Variants in NCKAP1 observed in about 807,000 individuals in gnomAD.
The protein encoded by NCKAP1 is nck-associated protein 1.
A neutral mutation model predicts 151.2 loss-of-function variants in NCKAP1; 21 were observed. The observed-to-expected ratio is 0.14, with a 90% CI of 0.10 to 0.20. The LOEUF (loss-of-function observed/expected upper bound fraction) is 0.20. NCKAP1 is among the 10% of genes least tolerant of loss of function. NCKAP1 has a pLI of 1.00. For missense variants in NCKAP1, 933 were observed against 1,352.1 expected (o/e 0.69, Z 4.86); for synonymous variants, 484 against 451.8 (o/e 1.07, Z -0.90).
Position 182,988,936 on chromosome 2 carries a change from C to G in NCKAP1, c.947+94G>C, listed in dbSNP as rs1444048906. On this transcript the variant is annotated intron_variant, in intron 9 of 30. Transcript: ENST00000361354. ...ATGGTATAGGCTGTATCTTCCTGCA[C>G]AGTGTGACTACTCCTTTATCCCCAA... 5.4e-6 allele frequency: 6 copies of G among 1,101,218 alleles called. No individual in the cohort carries two copies. The Admixed American group carries it at 1.1e-4, about 20-fold the overall frequency. The allele number at this position is 1,101,218 out of a possible 1,614,324, so 68.2% of individuals were successfully genotyped here. A position where few individuals can be genotyped will look rare whatever the true frequency, so the allele number is the denominator to read the frequency against.
At chr2:183,033,439 C>T (rs1699043477) in intron 1 of NCKAP1, among the ~76,000 whole-genome samples, 1 of 152,140 alleles carries the variant, frequency 6.6e-6, no homozygotes, top group South Asian at 2.1e-4. Flanking sequence ...ATCCTTAATT[C>T]CCTTCTCAAG....
chr2:182,987,185 T>C (rs1259238782), intron 9 of NCKAP1, among the ~76,000 whole-genome samples: 1 of 152,050 alleles, frequency 6.6e-6, no homozygotes, highest in African/African-American at 2.4e-5. Flanking sequence ...GAGGTTGCAG[T>C]GAGCTGAGAT....
intron 15 of NCKAP1, 103 bp downstream of exon 15, chr2:182,976,790 T>C (rs888678889): frequency 7.4e-6 from 4 of 542,436 alleles, no homozygotes; most frequent in Non-Finnish European, 8.7e-6. Context: ...ACAAAAGAAA[T>C]ATTTTCAATA....
At chr2:182,930,026 C>G (rs1447600872) in intron 27 of NCKAP1, among the ~76,000 whole-genome samples, 1 of 151,940 alleles carries the variant, frequency 6.6e-6, no homozygotes, top group Non-Finnish European at 1.5e-5. Context: ...TTGCTATCTA[C>G]TGGACCATCT....
rs1376314997 is a variant in NCKAP1, at chr2:182,921,981, G to A, written c.*3721C>T. 6.6e-6 allele frequency: 1 copy of A among 152,138 alleles called. No individual in the cohort carries two copies. The allele number at this position is 152,138 out of a possible 1,614,324, so 9.4% of individuals were successfully genotyped here. A position where few individuals can be genotyped will look rare whatever the true frequency, so the allele number is the denominator to read the frequency against. On this transcript the variant is annotated 3_prime_UTR_variant, in exon 31 of 31. Coordinates refer to ENST00000361354, the MANE Select transcript of NCKAP1 (RefSeq NM_013436.5). ...TCAAATATTTTTTCCCAAAGGCAGA[G>A]GTCATGGCAAATCTTCGGAGAAAGA...
At chr2:183,037,508 T>A (rs966604924) in intron 1 of NCKAP1, among the ~76,000 whole-genome samples, 2 of 152,176 alleles carry the variant, frequency 1.3e-5, no homozygotes, top group African/African-American at 4.8e-5. Flanking sequence ...ATTCATCCAA[T>A]CAGCCCTTCT....
At chr2:182,936,595 G>A (rs916144523) in intron 24 of NCKAP1, among the ~76,000 whole-genome samples, 1 of 152,174 alleles carries the variant, frequency 6.6e-6, no homozygotes. Flanking sequence ...TAGGAATAGA[G>A]AGAAGTGTTT....
chr2:182,957,671 T>G lies in NCKAP1; in HGVS notation c.1882-75A>C, dbSNP rs1049123748. 1.5e-5 allele frequency: 22 copies of G among 1,447,936 alleles called. No homozygotes were observed. In the South Asian group the frequency reaches 2.9e-4, roughly 19 times the overall value. 89.7% of individuals were successfully genotyped at this position (1,447,936 alleles called of 1,614,324 possible). On this transcript the variant is annotated intron_variant, in intron 18 of 30. Transcript: ENST00000361354. ...GCATACTAACTATTCAAGCAAACAG[T>G]AGCTGAATCCAGGCTGTGTTGCAAA...
chr2:183,034,547 C>A (rs1450440447), intron 1 of NCKAP1, among the ~76,000 whole-genome samples: 2 of 152,056 alleles, frequency 1.3e-5, no homozygotes, highest in Non-Finnish European at 2.9e-5. Flanking sequence ...GAGTAAACCA[C>A]ACACACAAAA....
chr2:183,026,075 G>A (rs1314111367), intron 1 of NCKAP1, among the ~76,000 whole-genome samples: 3 of 152,102 alleles, frequency 2.0e-5, no homozygotes, highest in African/African-American at 4.8e-5. Flanking sequence ...ATGTGTGTGC[G>A]TATGTGTGTA....
In NCKAP1 at chr2:182,962,376, C is replaced by T. The variant is rs114840775; in HGVS notation, c.1762-98G>A. 2,506 of 1,201,724 alleles carry T rather than the reference C, an allele frequency of 2.1e-3. 49 individuals carry two copies. In the African/African-American group the frequency reaches 0.034, roughly 16 times the overall value. 74.4% of individuals were successfully genotyped at this position (1,201,724 alleles called of 1,614,324 possible). On this transcript the variant is annotated intron_variant, in intron 17 of 30. Transcript: ENST00000361354. ...GACATGGAAAATTAGGCTAAAGGTA[C>T]ATTCCGCAATAGTGAGGGTGGGAGA...
At chr2:182,955,382 A>G (rs1697303557) in intron 20 of NCKAP1, among the ~76,000 whole-genome samples, 1 of 152,222 alleles carries the variant, frequency 6.6e-6, no homozygotes, top group Admixed American at 6.5e-5. Flanking sequence ...AAATTGTCAA[A>G]TAAATAAAAA....
At chr2:182,947,943 A>G (rs1285324764) in intron 23 of NCKAP1, among the ~76,000 whole-genome samples, 1 of 152,122 alleles carries the variant, frequency 6.6e-6, no homozygotes, top group Non-Finnish European at 1.5e-5. Flanking sequence ...AGTCACAAAT[A>G]AACACCTTCT....
chr2:182,967,161 C>T (rs2105838815), intron 16 of NCKAP1, 55 bp downstream of exon 16: 2 of 1,490,096 alleles, frequency 1.3e-6, no homozygotes, highest in Middle Eastern at 1.8e-4. Flanking sequence ...AATCAAGAAA[C>T]ATATATCGCA....
chr2:182,974,315 T>C (rs1366182035), intron 15 of NCKAP1, among the ~76,000 whole-genome samples: 3 of 150,140 alleles, frequency 2.0e-5, no homozygotes, highest in Non-Finnish European at 4.4e-5. Context: ...TCTGAGTGAC[T>C]GCATGTTCTA....
intron 2 of NCKAP1, among the ~76,000 whole-genome samples, chr2:183,008,076 G>A (rs1698514642): frequency 6.6e-6 from 1 of 151,980 alleles, no homozygotes; most frequent in African/African-American, 2.4e-5. Flanking sequence ...ATACGCATGC[G>A]CCAGCACACC....
intron 25 of NCKAP1, 31 bp downstream of exon 25, chr2:182,935,262 T>TA (rs774846087): frequency 7.3e-7 from 1 of 1,378,142 alleles, no homozygotes; most frequent in South Asian, 1.3e-5. Flanking sequence ...ATTGTTTGGA[T>TA]ACCGAGTATA....
chr2:182,941,089 C>A (rs1575019020), intron 24 of NCKAP1, among the ~76,000 whole-genome samples: 1 of 150,002 alleles, frequency 6.7e-6, no homozygotes, highest in East Asian at 1.9e-4. Flanking sequence ...TAAACTTGTT[C>A]TCTGGCTTTC....
intron 29 of NCKAP1, 97 bp downstream of exon 29, chr2:182,928,020 A>G: frequency 1.2e-6 from 1 of 839,950 alleles, no homozygotes; most frequent in Non-Finnish European, 1.8e-6. Flanking sequence ...ACTAAATAAA[A>G]TGTAAAAATA....
Sources: allele counts gnomAD v4.1 joint callset (sites outside exome capture counted in the v4.1 genomes callset), GRCh38; gene constraint gnomAD v4.1.1; transcripts MANE v1.5; gene names NCBI Gene and HGNC (gene_info 2026-07-23, HGNC 2026-07-21).